DERA: variants seen among roughly 807,000 people sequenced by gnomAD.
DERA encodes deoxyribose-phosphate aldolase, also known as 2-deoxy-D-ribose 5-phosphate aldolase.
In DERA, 15 loss-of-function variants were observed where a neutral mutation model predicts 41.1. That is an observed-to-expected ratio of 0.37 (90% CI 0.24 to 0.56). The LOEUF (loss-of-function observed/expected upper bound fraction) is 0.56. Ranked by LOEUF, DERA falls within the 20% of genes least tolerant of loss-of-function variation. The probability of loss-of-function intolerance (pLI) is 0.81; values close to 1 mark genes in which losing one functional copy is unlikely to be tolerated. For missense variants in DERA, 396 were observed against 403.4 expected (o/e 0.98, Z 0.16); for synonymous variants, 139 against 137.4 (o/e 1.01, Z -0.08).
At chr12:16,033,981 C>T (rs1565620674) in intron 7 of DERA, among the ~76,000 whole-genome samples, 1 of 152,144 alleles carries the variant, frequency 6.6e-6, no homozygotes, top group Non-Finnish European at 1.5e-5. Flanking sequence ...TTTAGATAAG[C>T]TGTAAAAATG....
At chr12:15,960,531 G>T (rs1422623043) in intron 4 of DERA, among the ~76,000 whole-genome samples, 2 of 150,414 alleles carry the variant, frequency 1.3e-5, no homozygotes, top group East Asian at 3.9e-4. Flanking sequence ...CCAGCTGCTG[G>T]GAGGCTGAGG....
In DERA at chr12:15,989,051, C is replaced by G. The variant is rs1218187447; in HGVS notation, c.637+6615C>G. ...GGCCAGGGAGTGGGACCAGGTACTT[C>G]TGAGCCTGCAGGGGTAGAGGGCTTC... On this transcript the variant is annotated intron_variant, in intron 6 of 8. Coordinates refer to ENST00000428559, the MANE Select transcript of DERA (RefSeq NM_015954.4). The surrounding 1 kb of genome is among the most constrained non-coding windows in gnomAD (Gnocchi z 5.2). Among the ~76,000 whole-genome samples the G allele has an allele frequency of 6.6e-6, 1 of 152,200 alleles. No individual in the cohort carries two copies. The highest frequency in any genetic ancestry group is 2.4e-5 in the African/African-American group (1 of 41,458).
At chr12:15,917,708 G>C (rs184886219) in intron 1 of DERA, among the ~76,000 whole-genome samples, 1 of 152,202 alleles carries the variant, frequency 6.6e-6, no homozygotes, top group East Asian at 1.9e-4. Context: ...TGGCACCAGG[G>C]ACTGAAGTGG....
chr12:16,001,905 A>C lies in DERA; in HGVS notation c.637+19469A>C, dbSNP rs1948877523. 6.6e-6 allele frequency among the ~76,000 whole-genome samples: 1 copy of C among 152,220 alleles called. No individual in the cohort carries two copies. The highest frequency in any genetic ancestry group is 1.5e-5 in the Non-Finnish European group (1 of 68,044). On this transcript the variant is annotated intron_variant, in intron 6 of 8. Coordinates refer to ENST00000428559, the MANE Select transcript of DERA (RefSeq NM_015954.4). The surrounding 1 kb of genome is among the most constrained non-coding windows in gnomAD (Gnocchi z 4.1). Reference sequence around the variant, plus strand: ...AAACCCCGGTATGGACTTTTCAGACAAAATACTGCTTTCTTTGCCTAATCA... The same window carrying C: ...AAACCCCGGTATGGACTTTTCAGACCAAATACTGCTTTCTTTGCCTAATCA...
chr12:15,963,092 A>G, intron 5 of DERA, 145 bp downstream of exon 5: 1 of 1,177,590 alleles, frequency 8.5e-7, no homozygotes, highest in African/African-American at 1.6e-5. Flanking sequence ...AAAGCAGGCT[A>G]AGATTACCCA....
chr12:15,913,395 T>C lies in DERA; in HGVS notation c.31+1981T>C, dbSNP rs1395231252. On this transcript the variant is annotated intron_variant, in intron 1 of 8. Transcript: ENST00000428559. This position sits in a 1 kb window ranked among gnomAD's most constrained non-coding sequence, Gnocchi z 4.5. The stretch of plus-strand genomic sequence containing the variant: ...GCTAAAATAAGTTATTTGAATTAGG[T>C]ACTAGGGAAAAAAATCTTTCAGTAT... 6.6e-6 allele frequency among the ~76,000 whole-genome samples: 1 copy of C among 152,176 alleles called. No homozygotes were observed. Among genetic ancestry groups the C allele is most frequent in the African/African-American group, 2.4e-5 (1 of 41,458 alleles).
At position 15,943,575 on chromosome 12, in the gene DERA, TTGCCACACAGTACA is replaced by T. The variant is rs1481362391; in HGVS notation, c.32-13346_32-13333del. 1.3e-5 allele frequency among the ~76,000 whole-genome samples: 2 copies of T among 152,134 alleles called. No individual in the cohort carries two copies. The highest frequency in any genetic ancestry group is 2.4e-5 in the African/African-American group (1 of 41,444). On this transcript the variant is annotated intron_variant, in intron 1 of 8. Coordinates refer to ENST00000428559, the MANE Select transcript of DERA (RefSeq NM_015954.4). The surrounding 1 kb of genome is among the most constrained non-coding windows in gnomAD (Gnocchi z 4.5). Reference sequence around the variant, plus strand: ...CTCACCATATGCATTGTATTTTATATTGCCACACAGTACATGCCACACAGTACACACGGGTTTGA... The same window carrying T: ...CTCACCATATGCATTGTATTTTATATTGCCACACAGTACACACGGGTTTGA...
chr12:16,023,712 C>T (rs1342097775), intron 6 of DERA, among the ~76,000 whole-genome samples: 4 of 151,852 alleles, frequency 2.6e-5, no homozygotes, highest in Admixed American at 1.3e-4. Flanking sequence ...CTCCTGACCT[C>T]GTGATCCGCC....
rs950403189 is a variant in DERA at position 15,915,235 on chromosome 12, C to T, written c.31+3821C>T. The stretch of plus-strand genomic sequence containing the variant: ...CTAAAATTAGATAGATGTACCTAGA[C>T]TGTGCTTTAAATGGGTTGTGAAAAC... On this transcript the variant is annotated intron_variant, in intron 1 of 8. Transcript: ENST00000428559. The surrounding 1 kb of genome is among the most constrained non-coding windows in gnomAD (Gnocchi z 4.8). Among the ~76,000 whole-genome samples the T allele has an allele frequency of 6.6e-6, 1 of 152,170 alleles. No homozygotes were observed. The highest frequency in any genetic ancestry group is 1.5e-5 in the Non-Finnish European group (1 of 68,026).
At chr12:15,934,099 A>G (rs917659690) in intron 1 of DERA, among the ~76,000 whole-genome samples, 3 of 152,164 alleles carry the variant, frequency 2.0e-5, no homozygotes. Context: ...ATTGTTATCC[A>G]TGGTTTTCAA....
rs61076028 is a variant in DERA at position 16,011,266 on chromosome 12, T to C, written c.638-21276T>C. Among the ~76,000 whole-genome samples the C allele has an allele frequency of 0.082, 12,430 of 152,226 alleles. 1,519 individuals are homozygous for C. Among genetic ancestry groups the C allele is most frequent in the African/African-American group, 0.26 (10,747 of 41,476 alleles). On this transcript the variant is annotated intron_variant, in intron 6 of 8. Transcript: ENST00000428559. The surrounding 1 kb of genome is among the most constrained non-coding windows in gnomAD (Gnocchi z 4.7). ...AAATGTTTCTTCATTTTACTCATCTTTGCCAAAGCATAGTGATACCAAATC... is the reference window on the plus strand; with the variant it reads ...AAATGTTTCTTCATTTTACTCATCTCTGCCAAAGCATAGTGATACCAAATC...
chr12:16,015,929 C>CT (rs1384711644), intron 6 of DERA, among the ~76,000 whole-genome samples: 2 of 152,128 alleles, frequency 1.3e-5, no homozygotes, highest in South Asian at 2.1e-4. Context: ...TGCTGTGTTC[C>CT]TTTTTTTAAA....
chr12:16,030,036 C>T (rs1243452128), intron 6 of DERA, among the ~76,000 whole-genome samples: 3 of 144,840 alleles, frequency 2.1e-5, no homozygotes, highest in Non-Finnish European at 3.0e-5. Context: ...AGTTCTCTTG[C>T]CTCAGCCTCC....
At chr12:16,024,689 A>G (rs531197520) in intron 6 of DERA, among the ~76,000 whole-genome samples, 2 of 152,302 alleles carry the variant, frequency 1.3e-5, no homozygotes, top group South Asian at 4.1e-4. Flanking sequence ...TTACGCTGTA[A>G]TCCACTCTTA....
At chr12:16,018,296 C>CT (rs1170561896) in intron 6 of DERA, among the ~76,000 whole-genome samples, 1 of 152,074 alleles carries the variant, frequency 6.6e-6, no homozygotes, top group Non-Finnish European at 1.5e-5. Flanking sequence ...ATTTTCCTCT[C>CT]TTTGCAGTCT....
chr12:15,949,850 G>T (rs892797333), intron 1 of DERA, among the ~76,000 whole-genome samples: 1 of 152,132 alleles, frequency 6.6e-6, no homozygotes, highest in African/African-American at 2.4e-5. Context: ...CCACCTACCT[G>T]TTTCTTCTTT....
In DERA at chr12:15,981,859, A is replaced by G. The variant is rs1002137300; in HGVS notation, c.509-449A>G. Among the ~76,000 whole-genome samples the G allele has an allele frequency of 5.8e-5, 2 of 34,716 alleles. No homozygotes were observed. Among genetic ancestry groups the G allele is most frequent in the Admixed American group, 4.0e-4 (1 of 2,484 alleles). 22.8% of individuals were successfully genotyped at this position (34,716 alleles called of 152,430 possible). On this transcript the variant is annotated intron_variant, in intron 5 of 8. Coordinates refer to ENST00000428559, the MANE Select transcript of DERA (RefSeq NM_015954.4). The surrounding 1 kb of genome is among the most constrained non-coding windows in gnomAD (Gnocchi z 6.1). ...TTGTCATGAACATAACTCTCAAGAA[A>G]GGTGTGCTTTATATCCAACCAAAGA...
chr12:15,942,254 T>G (rs554765937), intron 1 of DERA, among the ~76,000 whole-genome samples: 16 of 152,368 alleles, frequency 1.1e-4, no homozygotes, highest in Non-Finnish European at 1.9e-4. Context: ...TTGTAGATTC[T>G]GAATGCTATT....
chr12:16,009,838 A>T lies in DERA; in HGVS notation c.638-22704A>T, dbSNP rs747492273. 6.6e-5 allele frequency among the ~76,000 whole-genome samples: 10 copies of T among 152,370 alleles called. No homozygotes were observed. The highest frequency in any genetic ancestry group is 3.4e-3 in the Middle Eastern group (1 of 294). On this transcript the variant is annotated intron_variant, in intron 6 of 8. Transcript: ENST00000428559. This position sits in a 1 kb window ranked among gnomAD's most constrained non-coding sequence, Gnocchi z 5.3. Reference sequence around the variant, plus strand: ...GAAGTATTAAAGATATTAAATATGTATCAAAAATTTAAAATGCAGGTTTAA... The same window carrying T: ...GAAGTATTAAAGATATTAAATATGTTTCAAAAATTTAAAATGCAGGTTTAA...
Sources: allele counts gnomAD v4.1 joint callset (sites outside exome capture counted in the v4.1 genomes callset), GRCh38; gene constraint gnomAD v4.1.1; non-coding constraint Gnocchi (gnomAD v3.1); transcripts MANE v1.5; gene names NCBI Gene and HGNC (gene_info 2026-07-23, HGNC 2026-07-21).